The following DNAH8 variants were observed in gnomAD, a reference collection of about 807,000 sequenced individuals.
DNAH8 encodes axonemal beta dynein heavy chain 8.
A neutral mutation model predicts 562.1 loss-of-function variants in DNAH8; 382 were observed. The ratio of observed to expected loss-of-function variants is 0.68; its 90% CI spans 0.63 to 0.74. DNAH8 has a LOEUF of 0.74. DNAH8 is among the 30% of genes least tolerant of loss of function. The pLI, the probability that DNAH8 is intolerant of heterozygous loss-of-function variation, is 0.00. For missense variants in DNAH8, 5,203 were observed against 5,620.4 expected (o/e 0.93, Z 2.37); for synonymous variants, 1,881 against 1,919.4 (o/e 0.98, Z 0.52).
At chr6:38,818,867 C>CTTA (rs769966003) in intron 26 of DNAH8, among the ~76,000 whole-genome samples, 2 of 152,216 alleles carry the variant, frequency 1.3e-5, no homozygotes, top group Admixed American at 6.5e-5. Context: ...GCTGAGGAAA[C>CTTA]TTATTCATTC....
intron 79 of DNAH8, among the ~76,000 whole-genome samples, chr6:38,944,601 T>A (rs189478045): frequency 3.9e-5 from 6 of 152,372 alleles, no homozygotes; most frequent in African/African-American, 1.2e-4. Flanking sequence ...AATTTTTAAA[T>A]TGTAAATATC....
intron 76 of DNAH8, among the ~76,000 whole-genome samples, chr6:38,934,835 T>C (rs930958470): frequency 6.6e-6 from 1 of 152,174 alleles, no homozygotes; most frequent in African/African-American, 2.4e-5. Context: ...ATAATAATGA[T>C]AACAACAATA....
chr6:39,021,478 T>C (rs1009737111), intron 91 of DNAH8, among the ~76,000 whole-genome samples: 1 of 152,244 alleles, frequency 6.6e-6, no homozygotes, highest in South Asian at 2.1e-4. Flanking sequence ...TTTTAGAAGA[T>C]TCCTGGGTGT....
intron 74 of DNAH8, among the ~76,000 whole-genome samples, chr6:38,927,429 CTA>C (rs2150569319): frequency 6.6e-6 from 1 of 152,246 alleles, no homozygotes; most frequent in Admixed American, 6.5e-5. Flanking sequence ...ATACATCAGT[CTA>C]TGTTTACTAA....
chr6:38,786,882 A>G lies in DNAH8; in HGVS notation c.2513A>G (p.Asp838Gly), dbSNP rs777664096. 4 of 1,613,518 alleles carry G rather than the reference A, an allele frequency of 2.5e-6. No individual in the cohort carries two copies. Among genetic ancestry groups the G allele is most frequent in the East Asian group, 2.2e-5 (1 of 44,866 alleles). ...ETKCMIKMKL[D>G]VPEQAKRLLK... is the part of the protein sequence containing the mutation. ...AAGTGTATGATAAAAATGAAGTTGG[A>G]TGTACCAGAACAGGCAAAGAGATTG... Residue 838 changes from aspartate (D) to glycine (G), a missense_variant, in exon 18 of 93, where the codon GAT becomes GGT. Asp to Gly is a moderately conservative substitution (Grantham distance 94). Around this residue, in one of 6 missense-constraint regions of DNAH8, gnomAD observed 2,176 missense variants for 2,365.1 expected, o/e 0.92. Coordinates refer to ENST00000327475, the MANE Select transcript of DNAH8 (RefSeq NM_001206927.2).
At chr6:38,773,471 C>T (rs1434616478) in intron 12 of DNAH8, among the ~76,000 whole-genome samples, 1 of 152,102 alleles carries the variant, frequency 6.6e-6, no homozygotes, top group Non-Finnish European at 1.5e-5. Flanking sequence ...CAGCTGCACC[C>T]ACTCTGGTCT....
At chr6:38,950,845 A>T (rs78703664) in intron 81 of DNAH8, among the ~76,000 whole-genome samples, 1 of 152,076 alleles carries the variant, frequency 6.6e-6, no homozygotes, top group African/African-American at 2.4e-5. Context: ...AAAAAAAAAA[A>T]GTCTGTGGGG....
At chr6:38,899,996 G>A in intron 62 of DNAH8, 90 bp downstream of exon 62, 1 of 1,163,708 alleles carries the variant, frequency 8.6e-7, no homozygotes, top group South Asian at 2.0e-5. Flanking sequence ...ACAGTTTCCT[G>A]TATTTCTTTT....
At chr6:38,756,751 C>CT (rs1489607039) in intron 10 of DNAH8, among the ~76,000 whole-genome samples, 1 of 149,990 alleles carries the variant, frequency 6.7e-6, no homozygotes, top group Non-Finnish European at 1.5e-5. Flanking sequence ...ATTCCCACCT[C>CT]TAAGTGAGAA....
chr6:38,867,939 G>T (rs1049373229), intron 47 of DNAH8, 123 bp from the exon 48 acceptor site: 13 of 922,110 alleles, frequency 1.4e-5, no homozygotes, highest in Non-Finnish European at 2.1e-5. Flanking sequence ...AACCTTTGTG[G>T]CTTAGTCACC....
intron 1 of DNAH8, among the ~76,000 whole-genome samples, chr6:38,719,443 C>A (rs113713421): frequency 1.1e-3 from 165 of 152,100 alleles, no homozygotes; most frequent in African/African-American, 3.6e-3. Context: ...GTCCATGTAT[C>A]CCCAGTGTTT....
chr6:38,873,411 T>C (rs1777626223), intron 52 of DNAH8, 35 bp downstream of exon 52: 2 of 1,544,736 alleles, frequency 1.3e-6, no homozygotes, highest in Non-Finnish European at 1.7e-6. Context: ...CTACTTCGAT[T>C]TTGATTTTTT....
chr6:38,719,507 A>C (rs1762587494), intron 1 of DNAH8, among the ~76,000 whole-genome samples: 1 of 151,966 alleles, frequency 6.6e-6, no homozygotes, highest in Non-Finnish European at 1.5e-5. Context: ...TTTCTGTGTT[A>C]GTTCACTTAG....
chr6:38,764,389 A>G (rs1170638275), intron 11 of DNAH8: 2 of 153,156 alleles, frequency 1.3e-5, no homozygotes, highest in Non-Finnish European at 2.9e-5. Flanking sequence ...AATTATATGA[A>G]CACACATTCT....
In DNAH8 at chr6:38,866,630, C is replaced by T; in HGVS notation, c.6538C>T (p.Leu2180=). The T allele has an allele frequency of 6.2e-7, 1 of 1,612,192 alleles. No homozygotes were observed. The highest frequency in any genetic ancestry group is 8.5e-7 in the Non-Finnish European group (1 of 1,179,416). Residue 2180 remains leucine, a synonymous_variant, in exon 46 of 93, where the codon CTA becomes TTA. Transcript: ENST00000327475. ...YAGRQELPEN[L]KIQFRTVAMM... ...TGGGCGCCAGGAACTACCAGAAAAC[C>T]TAAAAATCCAGTTTAGAACTGTTGC...
intron 28 of DNAH8, 142 bp from the exon 29 acceptor site, chr6:38,826,014 G>C (rs971916129): frequency 1.0e-5 from 6 of 589,564 alleles, no homozygotes; most frequent in Non-Finnish European, 1.5e-5. Flanking sequence ...TATAGCACAT[G>C]TAATTCATAC....
chr6:38,899,361 G>T (rs560072591), intron 61 of DNAH8, among the ~76,000 whole-genome samples: 1 of 152,186 alleles, frequency 6.6e-6, no homozygotes, highest in Non-Finnish European at 1.5e-5. Context: ...GTTGAGTTAG[G>T]TGTCTACATG....
At chr6:38,958,031 T>C (rs773847012) in intron 82 of DNAH8, among the ~76,000 whole-genome samples, 3 of 151,938 alleles carry the variant, frequency 2.0e-5, no homozygotes, top group Non-Finnish European at 4.4e-5. Flanking sequence ...TTTTATGAAG[T>C]CTTGTTGTCT....
intron 32 of DNAH8, among the ~76,000 whole-genome samples, chr6:38,835,686 C>T (rs1678731): frequency 0.21 from 32,219 of 151,840 alleles, 4,287 homozygotes; most frequent in African/African-American, 0.37. Context: ...GTAAGGAGTG[C>T]AGGGTGGGGT....
Sources: allele counts gnomAD v4.1 joint callset (sites outside exome capture counted in the v4.1 genomes callset), GRCh38; gene constraint gnomAD v4.1.1; regional missense constraint gnomAD v4.1.1; transcripts MANE v1.5; gene names NCBI Gene and HGNC (gene_info 2026-07-23, HGNC 2026-07-21).